The following PRKG1 variants were observed in gnomAD, a reference collection of about 807,000 sequenced individuals.
PRKG1 encodes the protein cGMP-dependent protein kinase 1.
Under a neutral mutation model 88.1 loss-of-function variants are expected in PRKG1, and 35 were observed. That is an observed-to-expected ratio of 0.40 (90% confidence interval 0.30 to 0.53). The LOEUF is 0.53. Ranked by LOEUF, PRKG1 falls within the 20% of genes least tolerant of loss-of-function variation. The pLI, the probability that PRKG1 is intolerant of heterozygous loss-of-function variation, is 0.59. For synonymous variants in PRKG1, 303 were observed against 292.5 expected (o/e 1.04, Z -0.37); for missense variants, 540 against 839.8 (o/e 0.64, Z 4.41).
intron 3 of PRKG1, among the ~76,000 whole-genome samples, chr10:51,723,588 G>A (rs1434107895): frequency 2.6e-5 from 4 of 150,984 alleles, no homozygotes; most frequent in Non-Finnish European, 5.9e-5. Context: ...TGCATGTTCT[G>A]CACATGTATC....
At chr10:51,996,802 G>A (rs79210343) in intron 5 of PRKG1, among the ~76,000 whole-genome samples, 4,778 of 152,174 alleles carry the variant, frequency 0.031, 244 homozygotes, top group African/African-American at 0.11. Flanking sequence ...CAAAGGAAAC[G>A]AAATCAGTAT....
chr10:52,093,955 C>T (rs949127145), intron 7 of PRKG1, among the ~76,000 whole-genome samples: 1 of 152,092 alleles, frequency 6.6e-6, no homozygotes, highest in Non-Finnish European at 1.5e-5. Flanking sequence ...CAGTGAAAAC[C>T]AGATTAAGAA....
At chr10:51,723,045 T>G (rs1043814580) in intron 3 of PRKG1, among the ~76,000 whole-genome samples, 3 of 152,216 alleles carry the variant, frequency 2.0e-5, no homozygotes, top group African/African-American at 7.2e-5. Context: ...CTCTTTTATC[T>G]TCTTTTGTTA....
At chr10:52,217,621 G>A (rs1317085940) in intron 9 of PRKG1, among the ~76,000 whole-genome samples, 1 of 152,134 alleles carries the variant, frequency 6.6e-6, no homozygotes, top group East Asian at 1.9e-4. Flanking sequence ...CAAATAGCAA[G>A]GATTAAACAA....
At chr10:51,754,308 C>G (rs1173407216) in intron 3 of PRKG1, among the ~76,000 whole-genome samples, 2 of 152,142 alleles carry the variant, frequency 1.3e-5, no homozygotes, top group Non-Finnish European at 2.9e-5. Context: ...CACTTTTGCG[C>G]CTATTGATAA....
intron 3 of PRKG1, among the ~76,000 whole-genome samples, chr10:51,692,328 C>T (rs7897836): frequency 0.099 from 15,084 of 152,044 alleles, 2,448 homozygotes; most frequent in African/African-American, 0.34. Context: ...CTGCAAGTTC[C>T]GCCTCCTGGG....
At chr10:51,427,169 G>A (rs1462919494) in intron 2 of PRKG1, among the ~76,000 whole-genome samples, 1 of 151,962 alleles carries the variant, frequency 6.6e-6, no homozygotes, top group Admixed American at 6.6e-5. Flanking sequence ...CAAAGGAAAA[G>A]CAAAGAAAAC....
At chr10:51,437,688 G>GT (rs545441358) in intron 2 of PRKG1, among the ~76,000 whole-genome samples, 5 of 151,430 alleles carry the variant, frequency 3.3e-5, no homozygotes, top group East Asian at 3.9e-4. Context: ...TGAATAAAGA[G>GT]TTTTTTTTCC....
chr10:51,188,653 TG>T (rs1430634401), intron 2 of PRKG1, among the ~76,000 whole-genome samples: 1 of 151,938 alleles, frequency 6.6e-6, no homozygotes, highest in Non-Finnish European at 1.5e-5. Context: ...CTTGAAATTG[TG>T]GGAGCCTGGT....
At chr10:51,365,230 G>A (rs1005280320) in intron 2 of PRKG1, among the ~76,000 whole-genome samples, 2 of 151,688 alleles carry the variant, frequency 1.3e-5, no homozygotes, top group Non-Finnish European at 1.5e-5. Flanking sequence ...CATCTTCTTC[G>A]TCTTGTTTTC....
intron 3 of PRKG1, among the ~76,000 whole-genome samples, chr10:51,598,764 TGGCAGTTGACTAAAAGGAGA>T (rs1482019920): frequency 1.3e-5 from 2 of 152,220 alleles, no homozygotes; most frequent in East Asian, 3.9e-4. Context: ...AGAAAAAATG[TGGCAGTTGACTAAAAGGAGA>T]GGTAGATATT....
chr10:52,262,690 G>C (rs1841461313), intron 10 of PRKG1, among the ~76,000 whole-genome samples: 1 of 152,006 alleles, frequency 6.6e-6, no homozygotes, highest in African/African-American at 2.4e-5. Flanking sequence ...ATCCATGGGG[G>C]ATTGGTTCTA....
At chr10:51,467,889 T>C in intron 3 of PRKG1, 53 bp downstream of exon 3, 3 of 1,399,726 alleles carry the variant, frequency 2.1e-6, no homozygotes, top group Non-Finnish European at 3.0e-6. Flanking sequence ...TCCCTAGGCC[T>C]TTGAGATGTT....
intron 2 of PRKG1, among the ~76,000 whole-genome samples, chr10:51,169,989 C>T (rs940765200): frequency 1.3e-5 from 2 of 151,964 alleles, no homozygotes; most frequent in East Asian, 3.9e-4. Context: ...CATACATGCT[C>T]TGAAGCACTA....
chr10:52,063,543 A>G (rs1346767153), intron 7 of PRKG1, among the ~76,000 whole-genome samples: 2 of 151,932 alleles, frequency 1.3e-5, no homozygotes, highest in Non-Finnish European at 2.9e-5. Flanking sequence ...TTGTATTACA[A>G]CTCTTTTAGC....
chr10:51,836,343 A>T (rs371756793), intron 4 of PRKG1, among the ~76,000 whole-genome samples: 2 of 152,106 alleles, frequency 1.3e-5, no homozygotes, highest in East Asian at 1.9e-4. Flanking sequence ...TATGATTTGC[A>T]AGTATTTTCT....
intron 5 of PRKG1, among the ~76,000 whole-genome samples, chr10:52,041,828 A>C (rs1845761393): frequency 6.6e-6 from 1 of 152,270 alleles, no homozygotes; most frequent in South Asian, 2.1e-4. Context: ...AGAAATTCTT[A>C]GAATTAATGA....
chr10:52,095,084 A>T (rs79069509), intron 7 of PRKG1, among the ~76,000 whole-genome samples: 4 of 152,030 alleles, frequency 2.6e-5, no homozygotes, highest in South Asian at 2.1e-4. Context: ...CAGGCCCCAC[A>T]CTATCTGCAC....
intron 3 of PRKG1, among the ~76,000 whole-genome samples, chr10:51,763,128 C>A (rs1838064277): frequency 6.6e-6 from 1 of 152,032 alleles, no homozygotes; most frequent in African/African-American, 2.4e-5. Flanking sequence ...TCAAAATTGA[C>A]TTTTTGCATG....
Sources: allele counts gnomAD v4.1 joint callset (sites outside exome capture counted in the v4.1 genomes callset), GRCh38; gene constraint gnomAD v4.1.1; transcripts MANE v1.5; gene names NCBI Gene and HGNC (gene_info 2026-07-23, HGNC 2026-07-21).